CNBD1: variants seen among roughly 807,000 people sequenced by gnomAD.
The protein encoded by CNBD1 is cyclic nucleotide binding domain containing 1.
A neutral mutation model predicts 54.4 loss-of-function variants in CNBD1; 71 were observed. The observed-to-expected ratio is 1.30, with a 90% CI of 1.08 to 1.59. The LOEUF is 1.59. Among genes scored for constraint, CNBD1 ranks in the 40% most tolerant of loss-of-function variants. The pLI is 0.00. For synonymous variants in CNBD1, 182 were observed against 170.7 expected (o/e 1.07, Z -0.51); for missense variants, 659 against 518.0 (o/e 1.27, Z -2.64).
At chr8:87,309,904 T>C (rs1357624647) in intron 8 of CNBD1, among the ~76,000 whole-genome samples, 3 of 152,134 alleles carry the variant, frequency 2.0e-5, no homozygotes, top group African/African-American at 7.2e-5. Context: ...ACTGTTTCTC[T>C]TCATGGATGA....
chr8:86,921,947 G>T (rs999620745), intron 3 of CNBD1, among the ~76,000 whole-genome samples: 3 of 152,078 alleles, frequency 2.0e-5, no homozygotes, highest in African/African-American at 7.2e-5. Context: ...CAGTGTAGGG[G>T]GTGTCAGAGG....
At chr8:87,148,170 A>G (rs567646944) in intron 4 of CNBD1, among the ~76,000 whole-genome samples, 1 of 152,328 alleles carries the variant, frequency 6.6e-6, no homozygotes, top group East Asian at 1.9e-4. Flanking sequence ...AATTAAATTC[A>G]TATAAATGAT....
At chr8:87,324,446 G>A (rs1448407403) in intron 8 of CNBD1, among the ~76,000 whole-genome samples, 1 of 145,958 alleles carries the variant, frequency 6.9e-6, no homozygotes, top group Non-Finnish European at 1.5e-5. Flanking sequence ...GCTCTTTTTG[G>A]TTGGTAAACT....
chr8:87,204,119 T>C (rs567257897), intron 4 of CNBD1, among the ~76,000 whole-genome samples: 2 of 152,320 alleles, frequency 1.3e-5, no homozygotes, highest in South Asian at 4.1e-4. Context: ...CAATTTCTTT[T>C]GGTTTGCAAG....
At chr8:87,186,151 C>G (rs1449876009) in intron 4 of CNBD1, among the ~76,000 whole-genome samples, 1 of 151,846 alleles carries the variant, frequency 6.6e-6, no homozygotes, top group South Asian at 2.1e-4. Context: ...TGTATTTATT[C>G]TAATTTTAAT....
chr8:87,391,371 A>T (rs987782836), intron 2 of CNBD1, among the ~76,000 whole-genome samples: 1 of 152,160 alleles, frequency 6.6e-6, no homozygotes, highest in Non-Finnish European at 1.5e-5. Context: ...TAATCCTAAA[A>T]TTCGTATGGA....
At chr8:87,388,279 C>A (rs536770058) in intron 2 of CNBD1, among the ~76,000 whole-genome samples, 1 of 152,112 alleles carries the variant, frequency 6.6e-6, no homozygotes, top group African/African-American at 2.4e-5. Context: ...GAATTAGAGA[C>A]ACAAAAAACC....
Position 87,353,662 on chromosome 8 carries a change from G to A in CNBD1, c.1179G>A (p.Met393Ile). The part of the protein sequence containing the change: ...KVKRSQKLVY[M>I]GKLKEKESFG... The stretch of plus-strand genomic sequence containing the variant: ...AAAGATCTCAAAAACTTGTTTATAT[G>A]GGGAAACTTAAGGAGAAGGAGTCCT... Residue 393 changes from methionine (M) to isoleucine (I), a missense_variant, in exon 10 of 11, where the codon ATG becomes ATA. Met to Ile is a conservative substitution (Grantham distance 10, BLOSUM62 1). Transcript: ENST00000518476. 6.3e-7 allele frequency: 1 copy of A among 1,594,734 alleles called. No individual in the cohort carries two copies. Among genetic ancestry groups the A allele is most frequent in the Non-Finnish European group, 8.5e-7 (1 of 1,171,696 alleles).
At chr8:87,192,215 T>G (rs537614384) in intron 4 of CNBD1, among the ~76,000 whole-genome samples, 6 of 152,316 alleles carry the variant, frequency 3.9e-5, no homozygotes, top group Admixed American at 3.3e-4. Context: ...GATTTGATGA[T>G]GTTTTAAAAT....
rs1380347025 is a variant in CNBD1, at chr8:87,421,675, T to C, written c.214-6871T>C. Among the ~76,000 whole-genome samples the C allele has an allele frequency of 4.3e-3, 645 of 151,634 alleles. 7 individuals carry two copies. The highest frequency in any genetic ancestry group is 0.015 in the African/African-American group (616 of 41,260). ...ACATTTTCTTAATCCAGTCTATCAT[T>C]GTTGGACATTTGGGTTGGTTCCAAG... On this transcript the variant is annotated intron_variant, in intron 2 of 7. Transcript: ENST00000521593.
intron 10 of CNBD1, among the ~76,000 whole-genome samples, chr8:87,381,498 A>G (rs374548156): frequency 1.6e-4 from 25 of 152,030 alleles, no homozygotes; most frequent in African/African-American, 5.6e-4. Context: ...ACAGTAGACC[A>G]TATGATCTAG....
At chr8:87,301,816 A>G (rs1328983392) in intron 8 of CNBD1, among the ~76,000 whole-genome samples, 1 of 152,148 alleles carries the variant, frequency 6.6e-6, no homozygotes, top group Non-Finnish European at 1.5e-5. Flanking sequence ...ATCACCACCA[A>G]TCCCACAGAA....
At chr8:87,040,386 G>A (rs1425548644) in intron 4 of CNBD1, among the ~76,000 whole-genome samples, 1 of 150,806 alleles carries the variant, frequency 6.6e-6, no homozygotes, top group African/African-American at 2.4e-5. Flanking sequence ...ATTTACAAAT[G>A]CATTTACTTT....
At position 86,969,161 on chromosome 8, in the gene CNBD1, T is replaced by C. The variant is rs559280062; in HGVS notation, c.431+29407T>C. ...TTCACAACTTATTTACTGTTTTTTT[T>C]CTCTGCATTTTCTCATTTTCTTTTA... is the stretch of plus-strand genomic sequence containing the variant. On this transcript the variant is annotated intron_variant, in intron 4 of 10. Coordinates refer to ENST00000518476, the MANE Select transcript of CNBD1 (RefSeq NM_173538.3). Among the ~76,000 whole-genome samples, 35 of 152,322 alleles carry C rather than the reference T, an allele frequency of 2.3e-4. No individual in the cohort carries two copies. In the East Asian group the frequency reaches 4.6e-3, roughly 20 times the overall value.
intron 4 of CNBD1, among the ~76,000 whole-genome samples, chr8:87,049,951 T>G (rs1466958397): frequency 1.3e-5 from 2 of 152,178 alleles, no homozygotes; most frequent in Non-Finnish European, 2.9e-5. Context: ...GGATGGACCT[T>G]GGGCCTGAGT....
In CNBD1 at chr8:87,358,040, T is replaced by G. The variant is rs149534082; in HGVS notation, c.1303+4254T>G. ...CTCTCTCTCCATGTGACATGCCTGC[T>G]CCTTCTCTGCCTTCCACCATGAACA... On this transcript the variant is annotated intron_variant, in intron 10 of 10. Coordinates refer to ENST00000518476, the MANE Select transcript of CNBD1 (RefSeq NM_173538.3). Among the ~76,000 whole-genome samples, 1,047 of 152,280 alleles carry G rather than the reference T, an allele frequency of 6.9e-3. 11 individuals carry two copies. The highest frequency in any genetic ancestry group is 0.024 in the African/African-American group (985 of 41,578).
chr8:87,229,378 G>C (rs1029747642), intron 5 of CNBD1, among the ~76,000 whole-genome samples: 1 of 151,954 alleles, frequency 6.6e-6, no homozygotes, highest in Admixed American at 6.6e-5. Context: ...TCTTCTCACA[G>C]GTTAAAAATT....
chr8:87,227,063 C>T (rs1354945959), intron 5 of CNBD1, among the ~76,000 whole-genome samples: 1 of 151,124 alleles, frequency 6.6e-6, no homozygotes, highest in Non-Finnish European at 1.5e-5. Context: ...GGATTGCAAC[C>T]CCTGCCTTTT....
intron 10 of CNBD1, among the ~76,000 whole-genome samples, chr8:87,357,737 G>A (rs930006390): frequency 2.0e-5 from 3 of 152,048 alleles, no homozygotes; most frequent in Non-Finnish European, 4.4e-5. Context: ...GTTGGGAAGG[G>A]GTGATTATAT....
Sources: gnomAD v4.1 joint callset for allele counts (sites outside exome capture counted in the v4.1 genomes callset) on GRCh38, gnomAD v4.1.1 for gene constraint, MANE v1.5 for transcripts, NCBI Gene and HGNC (gene_info 2026-07-23, HGNC 2026-07-21) for gene names.